Variants in RELN observed in about 807,000 individuals in gnomAD.
The protein encoded by RELN is reelin.
Under a neutral mutation model 427.6 loss-of-function variants are expected in RELN, and 108 were observed. The ratio of observed to expected loss-of-function variants is 0.25; its 90% CI spans 0.22 to 0.30. The LOEUF is 0.30. Among genes scored for constraint, RELN ranks in the 10% least tolerant of loss-of-function variants. RELN has a pLI of 1.00. For synonymous variants in RELN, 1,524 were observed against 1,513.4 expected (o/e 1.01, Z -0.16); for missense variants, 3,715 against 4,302.8 (o/e 0.86, Z 3.82).
chr7:103,866,009 A>C (rs1266854072), intron 2 of RELN, among the ~76,000 whole-genome samples: 5 of 152,134 alleles, frequency 3.3e-5, no homozygotes, highest in Non-Finnish European at 7.4e-5. Flanking sequence ...TAACCACTTG[A>C]GTTCAGTTTA....
At chr7:103,863,928 GT>G (rs1453300203) in intron 2 of RELN, among the ~76,000 whole-genome samples, 1 of 151,992 alleles carries the variant, frequency 6.6e-6, no homozygotes, top group African/African-American at 2.4e-5. Flanking sequence ...AAGATGACAT[GT>G]TGCACAAAAC....
rs187557721 is a variant in RELN at position 103,773,955 on chromosome 7, G to A, written c.544+2602C>T. ...CACTTTCATATCCTTATTTAGCACT[G>A]TGAGCTAGGACAGAGGTCTTGCAGG... On this transcript the variant is annotated intron_variant, in intron 4 of 64. Coordinates refer to ENST00000428762, the MANE Select transcript of RELN (RefSeq NM_005045.4). 2.0e-5 allele frequency among the ~76,000 whole-genome samples: 3 copies of A among 152,208 alleles called. No individual in the cohort carries two copies. In the East Asian group the frequency reaches 5.8e-4, roughly 29 times the overall value.
intron 28 of RELN, among the ~76,000 whole-genome samples, chr7:103,588,573 T>C (rs1831333252): frequency 6.6e-6 from 1 of 152,212 alleles, no homozygotes; most frequent in Non-Finnish European, 1.5e-5. Context: ...TATGTACATG[T>C]AACAATATTT....
At chr7:103,591,025 G>A (rs82879) in intron 27 of RELN, among the ~76,000 whole-genome samples, 16,300 of 152,206 alleles carry the variant, frequency 0.11, 929 homozygotes, top group South Asian at 0.18. Context: ...TTTTGTATTG[G>A]CTGAGTCCAA....
rs536105379 is a variant in RELN, at chr7:103,900,025, A to G, written c.337+17050T>C. Among the ~76,000 whole-genome samples, 911 of 152,296 alleles carry G rather than the reference A, an allele frequency of 6.0e-3. 9 individuals carry two copies. Among genetic ancestry groups the G allele is most frequent in the African/African-American group, 0.021 (878 of 41,554 alleles). ...GTCAAATAGTCCCTGTTTGCAGTTG[A>G]CATGATTGTATATTTAGAAAACCCC... On this transcript the variant is annotated intron_variant, in intron 2 of 64. Coordinates refer to ENST00000428762, the MANE Select transcript of RELN (RefSeq NM_005045.4).
At chr7:103,837,913 A>AAT (rs1793448528) in intron 2 of RELN, among the ~76,000 whole-genome samples, 1 of 152,190 alleles carries the variant, frequency 6.6e-6, no homozygotes, top group Non-Finnish European at 1.5e-5. Flanking sequence ...AAGACTGTAA[A>AAT]AAAGAAAAGA....
At chr7:103,537,841 C>T (rs1830088944) in intron 45 of RELN, among the ~76,000 whole-genome samples, 1 of 152,188 alleles carries the variant, frequency 6.6e-6, no homozygotes, top group South Asian at 2.1e-4. Context: ...TTCCATCCAC[C>T]CTTAAAATCT....
chr7:103,969,597 T>C (rs1208778956), intron 1 of RELN, among the ~76,000 whole-genome samples: 1 of 152,204 alleles, frequency 6.6e-6, no homozygotes, highest in Non-Finnish European at 1.5e-5. Context: ...ATTAAATAGG[T>C]ATCACTCTTC....
intron 27 of RELN, among the ~76,000 whole-genome samples, chr7:103,593,437 G>A (rs1046347156): frequency 3.3e-5 from 5 of 152,086 alleles, no homozygotes; most frequent in African/African-American, 1.2e-4. Flanking sequence ...TTTTAATTCT[G>A]GTAGAGTTCC....
At chr7:103,983,627 A>C (rs907485472) in intron 1 of RELN, among the ~76,000 whole-genome samples, 2 of 152,226 alleles carry the variant, frequency 1.3e-5, no homozygotes, top group Non-Finnish European at 2.9e-5. Flanking sequence ...ATGACTCTAA[A>C]ATCAGGTAAA....
chr7:103,813,472 T>C (rs1435443779), intron 3 of RELN, among the ~76,000 whole-genome samples: 1 of 152,266 alleles, frequency 6.6e-6, no homozygotes, highest in Middle Eastern at 3.4e-3. Flanking sequence ...GAGAAGGCAA[T>C]CACATCAGAA....
In RELN at chr7:103,560,156, T is replaced by C. The variant is rs1048616747; in HGVS notation, c.5529+1376A>G. Among the ~76,000 whole-genome samples the C allele has an allele frequency of 2.1e-4, 32 of 152,356 alleles. 1 individual carries two copies. Among genetic ancestry groups the C allele is most frequent in the Admixed American group, 1.5e-3 (23 of 15,308 alleles). On this transcript the variant is annotated intron_variant, in intron 36 of 64. Transcript: ENST00000428762. ...TTCTAGTTCACAGACATATGTTTCT[T>C]TTCTCATCCTTTTTCAGGTTCAGTG...
intron 2 of RELN, among the ~76,000 whole-genome samples, chr7:103,876,460 T>C (rs1794480495): frequency 6.6e-6 from 1 of 152,076 alleles, no homozygotes; most frequent in Admixed American, 6.6e-5. Flanking sequence ...GTCTATGCAC[T>C]TTTGTTCATG....
intron 11 of RELN, among the ~76,000 whole-genome samples, chr7:103,674,125 C>T (rs1450402364): frequency 1.3e-5 from 2 of 152,134 alleles, no homozygotes; most frequent in African/African-American, 4.8e-5. Flanking sequence ...CATTTCAATA[C>T]TCAAATTTCC....
chr7:103,833,326 G>C (rs1793320419), intron 3 of RELN, among the ~76,000 whole-genome samples: 1 of 151,996 alleles, frequency 6.6e-6, no homozygotes, highest in African/African-American at 2.4e-5. Flanking sequence ...ATCCAATTTA[G>C]ACCTTTGGAG....
In RELN at chr7:103,515,281, T is replaced by G; in HGVS notation, c.8023A>C (p.Ser2675Arg). The change falls in exon 50 of 65, where the codon AGC becomes CGC. Residue 2675 changes from serine to arginine, a missense_variant. Transcript: ENST00000428762. ...TCATGCTGGGGTACTGGGGCGCTGCTGAAGGTGTCCAGCATAACGGTCCTT... is the reference window on the plus strand; with the variant it reads ...TCATGCTGGGGTACTGGGGCGCTGCGGAAGGTGTCCAGCATAACGGTCCTT... ...DQRTVMLDTF[S>R]SAPVPQHERS... 1 of 1,614,154 alleles carries G rather than the reference T, an allele frequency of 6.2e-7. No individual in the cohort carries two copies. Among genetic ancestry groups the G allele is most frequent in the Non-Finnish European group, 8.5e-7 (1 of 1,180,016 alleles).
At chr7:103,896,315 C>A (rs1794958706) in intron 2 of RELN, among the ~76,000 whole-genome samples, 1 of 151,888 alleles carries the variant, frequency 6.6e-6, no homozygotes, top group Non-Finnish European at 1.5e-5. Context: ...AGGTATTTGC[C>A]CAATAAAAGT....
Position 103,556,386 on chromosome 7 carries a change from CAGG to C in RELN, c.5797+588_5797+590del, listed in dbSNP as rs149749627. On this transcript the variant is annotated intron_variant, in intron 38 of 64. Transcript: ENST00000428762. ...CAGAATTCAGCTATATTTACATTAACAGGAGAACCCACTAGTCAAATATGAAGA... is the reference window on the plus strand; with the variant it reads ...CAGAATTCAGCTATATTTACATTAACAGAACCCACTAGTCAAATATGAAGA... 4.8e-3 allele frequency among the ~76,000 whole-genome samples: 731 copies of C among 151,762 alleles called. 2 individuals are homozygous for C. Among genetic ancestry groups the C allele is most frequent in the African/African-American group, 0.017 (697 of 41,334 alleles).
At chr7:103,674,317 C>T (rs140298436) in intron 11 of RELN, among the ~76,000 whole-genome samples, 325 of 152,288 alleles carry the variant, frequency 2.1e-3, no homozygotes, top group African/African-American at 7.5e-3. Context: ...ATTAATTATA[C>T]TTGTTATACA....
Sources: gnomAD v4.1 joint callset for allele counts (sites outside exome capture counted in the v4.1 genomes callset) on GRCh38, gnomAD v4.1.1 for gene constraint, MANE v1.5 for transcripts, NCBI Gene and HGNC (gene_info 2026-07-23, HGNC 2026-07-21) for gene names.